The following SAMD5 variants were observed in gnomAD, a reference collection of about 807,000 sequenced individuals.
The protein encoded by SAMD5 is sterile alpha motif domain containing 5, also known as sterile alpha motif domain-containing protein 5.
A neutral mutation model predicts 11.3 loss-of-function variants in SAMD5; 13 were observed. The ratio of observed to expected loss-of-function variants is 1.15; its 90% CI spans 0.75 to 1.83. The LOEUF is 1.83. Ranked by LOEUF, SAMD5 falls within the 40% of genes most tolerant of loss-of-function variation. SAMD5 has a pLI of 0.00. For synonymous variants in SAMD5, 129 were observed against 111.3 expected (o/e 1.16, Z -1.00); for missense variants, 255 against 239.1 (o/e 1.07, Z -0.44).
chr6:147,866,425 T>C, the SAMD5 span, among the ~76,000 whole-genome samples: 3 of 152,178 alleles, frequency 2.0e-5, no homozygotes, highest in African/African-American at 7.2e-5. Flanking sequence ...TTAAAAGTGT[T>C]CGCAATGTAA....
chr6:147,923,938 G>A, the SAMD5 span, among the ~76,000 whole-genome samples: 76 of 152,284 alleles, frequency 5.0e-4, no homozygotes, highest in Non-Finnish European at 9.4e-4. Context: ...AGATGGTCAG[G>A]TTTGACTGAA....
the SAMD5 span, among the ~76,000 whole-genome samples, chr6:147,893,079 T>C: frequency 3.3e-5 from 5 of 151,770 alleles, no homozygotes; most frequent in East Asian, 2.0e-4. Context: ...GCGGGCATGG[T>C]AACACATGCC....
the SAMD5 span, among the ~76,000 whole-genome samples, chr6:147,816,944 GA>G: frequency 0.44 from 66,092 of 149,314 alleles, 16,347 homozygotes; most frequent in African/African-American, 0.69. Flanking sequence ...GAGACATGTA[GA>G]AAAAAAAAAC....
chr6:147,576,205 A>G (rs13202056), intron 1 of SAMD5, among the ~76,000 whole-genome samples: 13,832 of 151,676 alleles, frequency 0.091, 918 homozygotes, highest in East Asian at 0.3. Flanking sequence ...CAGTGGCACA[A>G]TCTTGGCTCA....
chr6:147,745,900 C>A, the SAMD5 span, among the ~76,000 whole-genome samples: 3 of 151,764 alleles, frequency 2.0e-5, no homozygotes, highest in African/African-American at 7.3e-5. Context: ...CACCACCACG[C>A]CTGGCTAATT....
chr6:147,869,107 A>G, the SAMD5 span, among the ~76,000 whole-genome samples: 1 of 152,240 alleles, frequency 6.6e-6, no homozygotes, highest in Admixed American at 6.5e-5. Flanking sequence ...TTTTCATCCT[A>G]GAAATTCCTC....
chr6:147,688,263 C>G (rs1791046730), intron 1 of SAMD5, among the ~76,000 whole-genome samples: 1 of 152,030 alleles, frequency 6.6e-6, no homozygotes, highest in South Asian at 2.1e-4. Flanking sequence ...TATACTGCCT[C>G]TTTCTCTTGT....
intron 1 of SAMD5, among the ~76,000 whole-genome samples, chr6:147,732,917 T>A (rs1246194581): frequency 2.0e-5 from 3 of 152,234 alleles, no homozygotes; most frequent in Non-Finnish European, 4.4e-5. Context: ...ACAGAACTGG[T>A]TGTAAATTGT....
downstream of SAMD5, among the ~76,000 whole-genome samples, chr6:147,570,193 T>C (rs142803486): frequency 6.6e-6 from 1 of 152,298 alleles, no homozygotes; most frequent in African/African-American, 2.4e-5. Context: ...ACACTGTACA[T>C]CAAAGTGAAA....
the SAMD5 span, among the ~76,000 whole-genome samples, chr6:147,769,899 A>T: frequency 6.6e-6 from 1 of 152,198 alleles, no homozygotes; most frequent in Non-Finnish European, 1.5e-5. Flanking sequence ...GTGAGTTTGA[A>T]ATGGCGCAGA....
the SAMD5 span, among the ~76,000 whole-genome samples, chr6:147,810,182 A>G: frequency 6.6e-6 from 1 of 152,212 alleles, no homozygotes; most frequent in African/African-American, 2.4e-5. Flanking sequence ...TTTCTTCATT[A>G]GTTATAATCA....
At chr6:147,690,369 C>T (rs1173628286) in intron 1 of SAMD5, among the ~76,000 whole-genome samples, 1 of 152,060 alleles carries the variant, frequency 6.6e-6, no homozygotes, top group African/African-American at 2.4e-5. Context: ...TCTTTAAATC[C>T]CATTTCTAGG....
chr6:147,880,914 C>T, the SAMD5 span, among the ~76,000 whole-genome samples: 1 of 152,296 alleles, frequency 6.6e-6, no homozygotes, highest in South Asian at 2.1e-4. Context: ...ATATCCTTCT[C>T]ATTCTCAAGG....
chr6:147,902,602 T>G, the SAMD5 span, among the ~76,000 whole-genome samples: 1 of 152,336 alleles, frequency 6.6e-6, no homozygotes, highest in African/African-American at 2.4e-5. Context: ...GTCCTCCTAG[T>G]TACTTCTGCG....
the SAMD5 span, among the ~76,000 whole-genome samples, chr6:147,900,667 TG>T: frequency 0.034 from 5,211 of 152,276 alleles, 300 homozygotes; most frequent in African/African-American, 0.12. Flanking sequence ...TCACTAATTG[TG>T]CCAGTTATCT....
the SAMD5 span, among the ~76,000 whole-genome samples, chr6:147,847,500 C>T: frequency 2.0e-5 from 3 of 152,114 alleles, no homozygotes; most frequent in East Asian, 1.9e-4. Flanking sequence ...AAAACAGACT[C>T]CTAAATACAA....
At chr6:147,927,022 T>C in the SAMD5 span, among the ~76,000 whole-genome samples, 64 of 152,320 alleles carry the variant, frequency 4.2e-4, no homozygotes, top group African/African-American at 1.4e-3. Flanking sequence ...CCATGGTCTA[T>C]GTGTCTGTTT....
the SAMD5 span, among the ~76,000 whole-genome samples, chr6:147,952,747 C>T: frequency 6.6e-6 from 1 of 152,190 alleles, no homozygotes; most frequent in Non-Finnish European, 1.5e-5. Context: ...TCCTGACTTT[C>T]AAGTGATCCT....
the SAMD5 span, chr6:147,953,492 A>T: frequency 6.6e-6 from 1 of 152,194 alleles, no homozygotes; most frequent in Non-Finnish European, 1.5e-5. Flanking sequence ...TTTGGCTCCC[A>T]ATCTGATTCT....
Sources: allele counts gnomAD v4.1 joint callset (sites outside exome capture counted in the v4.1 genomes callset), GRCh38; gene constraint gnomAD v4.1.1; transcripts MANE v1.5; gene names NCBI Gene and HGNC (gene_info 2026-07-23, HGNC 2026-07-21).